The following SBK2 variants were observed in gnomAD, a reference collection of about 807,000 sequenced individuals.
The protein encoded by SBK2 is SH3 domain binding kinase family member 2.
A neutral mutation model predicts 15.9 loss-of-function variants in SBK2; 18 were observed. The ratio of observed to expected loss-of-function variants is 1.13; its 90% CI spans 0.78 to 1.68. The LOEUF (loss-of-function observed/expected upper bound fraction) is 1.68. Among genes scored for constraint, SBK2 ranks in the 40% most tolerant of loss-of-function variants. The pLI, the probability that SBK2 is intolerant of heterozygous loss-of-function variation, is 0.00. For missense variants in SBK2, 581 were observed against 510.9 expected (o/e 1.14, Z -1.32); for synonymous variants, 284 against 246.8 (o/e 1.15, Z -1.41).
intron 3 of SBK2, among the ~76,000 whole-genome samples, chr19:55,530,540 GCC>G: frequency 3.4e-5 from 1 of 29,270 alleles, no homozygotes; most frequent in Admixed American, 3.3e-4. Context: ...GTTTAGTGGG[GCC>G]TAGTGTGACC....
Position 55,529,783 on chromosome 19 carries a change from C to T in SBK2, c.997G>A (p.Glu333Lys), listed in dbSNP as rs1988195775. 2 of 1,603,944 alleles carry T rather than the reference C, an allele frequency of 1.2e-6. No homozygotes were observed. Among genetic ancestry groups the T allele is most frequent in the Non-Finnish European group, 1.7e-6 (2 of 1,179,720 alleles). ...GCTCCCACTGCCTCCGCCTCGCCCT[C>T]CCGCTGCCTCCAGGGGCGCCCCAGG... The part of the protein sequence containing the change: ...EHLGRPWRQR[E>K]GEAEAVGAVE... Residue 333 changes from glutamate (E) to lysine (K), a missense_variant, in exon 4 of 4, where the codon GAG (glutamate) becomes AAG (lysine). Coordinates refer to ENST00000413299, the MANE Select transcript of SBK2 (RefSeq NM_001370096.2).
intron 2 of SBK2, among the ~76,000 whole-genome samples, chr19:55,534,473 C>T (rs1324426324): frequency 1.3e-5 from 2 of 151,898 alleles, no homozygotes; most frequent in Non-Finnish European, 2.9e-5. Context: ...CTTTGGGAGG[C>T]TGAGGCAGGA....
chr19:55,533,013 A>G (rs1988307533), intron 2 of SBK2, among the ~76,000 whole-genome samples: 1 of 152,020 alleles, frequency 6.6e-6, no homozygotes, highest in Non-Finnish European at 1.5e-5. Flanking sequence ...CCCCCTCACA[A>G]GGCCGTGTGT....
rs769899172 is a variant in SBK2, at chr19:55,536,198, G to A, written c.97C>T (p.Gln33Ter). The A allele has an allele frequency of 1.2e-6, 2 of 1,607,532 alleles. No individual in the cohort carries two copies. Among genetic ancestry groups the A allele is most frequent in the South Asian group, 1.1e-5 (1 of 89,810 alleles). ...GCGCGGGCAGCCTCCTGGCCCTGCT[G>A]GAGCTCCTCTAATGTCAGGCCGCCC... The part of the protein sequence containing the change: ...GLGGLTLEEL[Q>*]QGQEAARALE... Residue 33 changes from glutamine (Q) to a stop codon, truncating the protein, a stop_gained, in exon 2 of 4, where the codon CAG (glutamine) becomes TAG (stop). Transcript: ENST00000413299. LOFTEE classifies it high-confidence loss of function.
At chr19:55,530,911 G>A (rs1486549244) in intron 3 of SBK2, among the ~76,000 whole-genome samples, 1 of 152,168 alleles carries the variant, frequency 6.6e-6, no homozygotes, top group Non-Finnish European at 1.5e-5. Context: ...TGTGACCTGG[G>A]GCTGCCTGGT....
Position 55,531,318 on chromosome 19 carries a change from G to A in SBK2, c.281C>T (p.Pro94Leu), listed in dbSNP as rs369989745. 4.9e-5 allele frequency: 79 copies of A among 1,610,194 alleles called. No homozygotes were observed. The African/African-American group carries it at 5.3e-4, about 11-fold the overall frequency. The change falls in exon 3 of 4, where the codon CCG becomes CTG. Residue 94 changes from proline to leucine, a missense_variant. Transcript: ENST00000413299. ...KGTPLALKQL[P>L]KPRTSLRGFL... ...GCCACGGAGGGACGTGCGGGGTTTC[G>A]GGAGCTGCTTCAGTGCCAGGGGTGT...
Position 55,536,219 on chromosome 19 carries a change from C to A in SBK2, c.76G>T (p.Gly26Cys). ...TGCTGGAGCTCCTCTAATGTCAGGCCGCCCAGACCCTCCTCCTCGCTGTCC... is the reference window on the plus strand; with the variant it reads ...TGCTGGAGCTCCTCTAATGTCAGGCAGCCCAGACCCTCCTCCTCGCTGTCC... Reference protein sequence around the residue: ...SEDSEEEGLGGLTLEELQQGQ... With the variant: ...SEDSEEEGLGCLTLEELQQGQ... Residue 26 changes from glycine to cysteine, a missense_variant, in exon 2 of 4, where the codon GGC becomes TGC. Coordinates refer to ENST00000413299, the MANE Select transcript of SBK2 (RefSeq NM_001370096.2). The A allele has an allele frequency of 6.2e-7, 1 of 1,606,566 alleles. No homozygotes were observed. Among genetic ancestry groups the A allele is most frequent in the South Asian group, 1.1e-5 (1 of 89,638 alleles).
chr19:55,529,853 G>T lies in SBK2; in HGVS notation c.927C>A (p.Asp309Glu). ...AADALLRGLL[D>E]PHPRRRSAVI... The stretch of plus-strand genomic sequence containing the variant: ...CAGCGCTCCTCCTTCGGGGGTGAGG[G>T]TCCAGCAGCCCCCGCAGAAGCGCGT... The change falls in exon 4 of 4, where the codon GAC (aspartate) becomes GAA (glutamate). Residue 309 changes from aspartate (D) to glutamate (E), a missense_variant. Asp to Glu is a conservative substitution (Grantham distance 45). Coordinates refer to ENST00000413299, the MANE Select transcript of SBK2 (RefSeq NM_001370096.2). 1 of 1,602,134 alleles carries T rather than the reference G, an allele frequency of 6.2e-7. No individual in the cohort carries two copies.
intron 2 of SBK2, among the ~76,000 whole-genome samples, chr19:55,534,969 G>A (rs2123480984): frequency 6.6e-6 from 1 of 151,810 alleles, no homozygotes; most frequent in South Asian, 2.1e-4. Context: ...AGGTTGCAGT[G>A]AGCTGAGATT....
rs75870827 is a variant in SBK2, at chr19:55,529,807, G to C, written c.973C>G (p.Leu325Val). Residue 325 changes from leucine to valine, a missense_variant, in exon 4 of 4, where the codon CTG becomes GTG. Coordinates refer to ENST00000413299, the MANE Select transcript of SBK2 (RefSeq NM_001370096.2). The stretch of plus-strand genomic sequence containing the variant: ...TCCCGCTGCCTCCAGGGGCGCCCCA[G>C]GTGCTCCCTGATGGCGATCACAGCG... ...RSAVIAIREH[L>V]GRPWRQREGE... The C allele has an allele frequency of 6.3e-5, 101 of 1,604,508 alleles. No homozygotes were observed. In the African/African-American group the frequency reaches 1.1e-3, roughly 17 times the overall value.
Position 55,530,188 on chromosome 19 carries a change from G to A in SBK2, c.592C>T (p.Arg198Cys), listed in dbSNP as rs554017463. ...TGGCCGAAGTCGGTCAGCTTGAAGC[G>A]CCGGCAGGCCGGGTCGCACACCAGG... ...NVLVCDPACR[R>C]FKLTDFGHTR... is the part of the protein sequence containing the mutation. Residue 198 changes from arginine (R) to cysteine (C), a missense_variant, in exon 4 of 4, where the codon CGC becomes TGC. Physicochemically the swap from Arg to Cys is radical, Grantham distance 180. Transcript: ENST00000413299. The A allele has an allele frequency of 5.2e-6, 8 of 1,532,126 alleles. No homozygotes were observed. The highest frequency in any genetic ancestry group is 1.7e-4 in the Middle Eastern group (1 of 5,912). 94.9% of individuals were successfully genotyped at this position (1,532,126 alleles called of 1,614,324 possible).
In SBK2 at chr19:55,529,804, C is replaced by T; in HGVS notation, c.976G>A (p.Gly326Arg). Residue 326 changes from glycine (G) to arginine (R), a missense_variant, in exon 4 of 4, where the codon GGG becomes AGG. Physicochemically the swap from Gly to Arg is moderately radical, Grantham distance 125. Coordinates refer to ENST00000413299, the MANE Select transcript of SBK2 (RefSeq NM_001370096.2). The stretch of plus-strand genomic sequence containing the variant: ...CCCTCCCGCTGCCTCCAGGGGCGCC[C>T]CAGGTGCTCCCTGATGGCGATCACA... ...SAVIAIREHL[G>R]RPWRQREGEA... is the part of the protein sequence containing the mutation. 3.7e-6 allele frequency: 6 copies of T among 1,604,474 alleles called. No individual in the cohort carries two copies. Among genetic ancestry groups the T allele is most frequent in the Non-Finnish European group, 5.1e-6 (6 of 1,179,634 alleles).
chr19:55,533,607 T>C (rs190601154), intron 2 of SBK2, among the ~76,000 whole-genome samples: 501 of 34,356 alleles, frequency 0.015, 96 homozygotes, highest in African/African-American at 0.071. Context: ...GAGCTGAGAT[T>C]GCGCCACTGC....
At position 55,530,235 on chromosome 19, in the gene SBK2, C is replaced by G. The variant is rs779022653; in HGVS notation, c.545G>C (p.Arg182Pro). ...EYIHARGLVY[R>P]DLKPENVLVC... ...CAGGACGTTCTCCGGCTTCAGGTCCCGGTACACCAGGCCGCGGGCGTGGAT... is the reference window on the plus strand; with the variant it reads ...CAGGACGTTCTCCGGCTTCAGGTCCGGGTACACCAGGCCGCGGGCGTGGAT... The change falls in exon 4 of 4, where the codon CGG (arginine) becomes CCG (proline). Residue 182 changes from arginine (R) to proline (P), a missense_variant. Arg to Pro is a moderately radical substitution (Grantham distance 103, BLOSUM62 -2). Coordinates refer to ENST00000413299, the MANE Select transcript of SBK2 (RefSeq NM_001370096.2). 6.5e-7 allele frequency: 1 copy of G among 1,529,656 alleles called. No individual in the cohort carries two copies. The highest frequency in any genetic ancestry group is 1.2e-5 in the South Asian group (1 of 82,122). The allele number at this position is 1,529,656 out of a possible 1,614,324, so 94.8% of individuals were successfully genotyped here.
intron 2 of SBK2, among the ~76,000 whole-genome samples, chr19:55,532,769 C>A (rs1463135361): frequency 6.6e-6 from 1 of 152,024 alleles, no homozygotes; most frequent in African/African-American, 2.4e-5. Context: ...GGGCTAATTG[C>A]ACACCAAGCT....
intron 2 of SBK2, among the ~76,000 whole-genome samples, chr19:55,531,915 G>T (rs1353417527): frequency 6.6e-6 from 1 of 151,850 alleles, no homozygotes; most frequent in South Asian, 2.1e-4. Context: ...GGAGGCAGAG[G>T]TTGCAGTGAG....
intron 2 of SBK2, among the ~76,000 whole-genome samples, chr19:55,534,712 A>AAG (rs1317847996): frequency 6.9e-6 from 1 of 145,308 alleles, no homozygotes; most frequent in African/African-American, 2.6e-5. Flanking sequence ...CTCAAAAAAA[A>AAG]AAAAAAAAGA....
At chr19:55,531,804 C>T (rs574721733) in intron 2 of SBK2, among the ~76,000 whole-genome samples, 155 of 152,190 alleles carry the variant, frequency 1.0e-3, no homozygotes, top group African/African-American at 3.5e-3. Context: ...ATGGTGAAAC[C>T]TCTTCTCTAC....
In SBK2 at chr19:55,531,352, C is replaced by T. The variant is rs186819324; in HGVS notation, c.254-7G>A. The T allele has an allele frequency of 2.5e-6, 4 of 1,592,246 alleles. No homozygotes were observed. Among genetic ancestry groups the T allele is most frequent in the East Asian group, 2.3e-5 (1 of 43,648 alleles). On this transcript the variant is annotated splice_polypyrimidine_tract_variant and splice_region_variant and intron_variant, in intron 2 of 3. Transcript: ENST00000413299. ...TTCAGTGCCAGGGGTGTGCCTGGGGCAGCAGGGACAGGTATGGGAGGCGTG... is the reference window on the plus strand; with the variant it reads ...TTCAGTGCCAGGGGTGTGCCTGGGGTAGCAGGGACAGGTATGGGAGGCGTG...
Sources: gnomAD v4.1 joint callset for allele counts (sites outside exome capture counted in the v4.1 genomes callset) on GRCh38, gnomAD v4.1.1 for gene constraint, MANE v1.5 for transcripts, NCBI Gene and HGNC (gene_info 2026-07-23, HGNC 2026-07-21) for gene names.